The following TMEM120A variants were observed in gnomAD, a reference collection of about 807,000 sequenced individuals.
TMEM120A encodes the protein ion channel TACAN.
TMEM120A carries 45 observed loss-of-function variants against 54.3 expected under a neutral mutation model. The observed-to-expected ratio is 0.83, with a 90% confidence interval of 0.65 to 1.06. The LOEUF is 1.06. Ranked by LOEUF, TMEM120A falls within the 50% of genes least tolerant of loss-of-function variation. The pLI is 0.00. For missense variants in TMEM120A, 424 were observed against 441.7 expected (o/e 0.96, Z 0.36); for synonymous variants, 204 against 178.5 (o/e 1.14, Z -1.14).
intron 3 of TMEM120A, 89 bp from the exon 4 acceptor site, chr7:75,989,313 C>CCACCA (rs1789743245): frequency 2.4e-6 from 2 of 840,676 alleles, no homozygotes; most frequent in Non-Finnish European, 2.0e-6. Context: ...AGAGCCTGGG[C>CCACCA]CACCACCCCA....
chr7:75,989,337 T>G, intron 3 of TMEM120A, 113 bp from the exon 4 acceptor site: 1 of 739,702 alleles, frequency 1.4e-6, no homozygotes, highest in South Asian at 1.5e-5. Context: ...CCTCACCCGC[T>G]GCTTTCCGCA....
chr7:75,988,346 G>T lies in TMEM120A; in HGVS notation c.474-5C>A, dbSNP rs116954540. The T allele has an allele frequency of 1.9e-6, 3 of 1,611,982 alleles. No homozygotes were observed. The South Asian group carries it at 3.3e-5, about 18-fold the overall frequency. On this transcript the variant is annotated splice_polypyrimidine_tract_variant and splice_region_variant and intron_variant, in intron 5 of 11. Coordinates refer to ENST00000493111, the MANE Select transcript of TMEM120A (RefSeq NM_031925.3). ...TTGAAGGCAGCATCTGTCACCCTGCGGAGGGAGGGGACCGAGGGTTGGTAC... is the reference window on the plus strand; with the variant it reads ...TTGAAGGCAGCATCTGTCACCCTGCTGAGGGAGGGGACCGAGGGTTGGTAC...
intron 3 of TMEM120A, among the ~76,000 whole-genome samples, chr7:75,990,898 A>G (rs1348319492): frequency 2.7e-5 from 3 of 111,498 alleles, no homozygotes; most frequent in African/African-American, 1.7e-4. Flanking sequence ...ACTCTGTCTC[A>G]AAAAAAAAAA....
chr7:75,990,480 TC>T (rs1554561628), intron 3 of TMEM120A, among the ~76,000 whole-genome samples: 2 of 152,156 alleles, frequency 1.3e-5, no homozygotes, highest in East Asian at 3.9e-4. Context: ...GCTCGAGTCT[TC>T]CCAGAGGCAA....
rs782135590 is a variant in TMEM120A at position 75,988,063 on chromosome 7, G to C, written c.629+20C>G. ...CCTCCTTGTCCCAGCTCCTGCCCCT[G>C]CCGGGGCCCAGCCACTCACCACGTC... On this transcript the variant is annotated intron_variant, in intron 7 of 11. Transcript: ENST00000493111. 6.2e-7 allele frequency: 1 copy of C among 1,602,416 alleles called. No homozygotes were observed. Among genetic ancestry groups the C allele is most frequent in the South Asian group, 1.1e-5 (1 of 89,526 alleles).
rs1585143147 is a variant in TMEM120A, at chr7:75,989,121, G to C, written c.377+44C>G. 5 of 639,428 alleles carry C rather than the reference G, an allele frequency of 7.8e-6. No homozygotes were observed. The East Asian group carries it at 2.0e-4, about 25-fold the overall frequency. 39.6% of individuals were successfully genotyped at this position (639,428 alleles called of 1,614,324 possible). A position where few individuals can be genotyped will look rare whatever the true frequency, so the allele number is the denominator to read the frequency against. Reference sequence around the variant, plus strand: ...GGGGGGAGGGGGGTAGGGGGCTAGGGGTGGAGGGGTGGAGGTTGGGGGGTG... The same window carrying C: ...GGGGGGAGGGGGGTAGGGGGCTAGGCGTGGAGGGGTGGAGGTTGGGGGGTG... On this transcript the variant is annotated intron_variant, in intron 4 of 11. Coordinates refer to ENST00000493111, the MANE Select transcript of TMEM120A (RefSeq NM_031925.3).
chr7:75,994,527 T>C lies in TMEM120A; in HGVS notation c.44A>G (p.Asp15Gly). 1.3e-6 allele frequency: 2 copies of C among 1,564,966 alleles called. No individual in the cohort carries two copies. The highest frequency in any genetic ancestry group is 1.7e-6 in the Non-Finnish European group (2 of 1,156,206). Residue 15 changes from aspartate to glycine, a missense_variant, in exon 1 of 12, where the codon GAC becomes GGC. By Grantham distance (94) the Asp-to-Gly change is moderately conservative. Transcript: ENST00000493111. The stretch of plus-strand genomic sequence containing the variant: ...GAAGTCCTGCTGTAGATCCTCCCAG[T>C]CCCGCAGGCAGTCGCCCAGCGGGCC... ...PPGPLGDCLR[D>G]WEDLQQDFQN...
chr7:75,989,474 T>C (rs1257244673), intron 3 of TMEM120A, among the ~76,000 whole-genome samples: 4 of 110,786 alleles, frequency 3.6e-5, no homozygotes, highest in Non-Finnish European at 1.8e-5. Flanking sequence ...ATCTCCAGAG[T>C]CTTGTCTGAA....
chr7:75,992,066 A>G (rs967583263), intron 3 of TMEM120A, 78 bp downstream of exon 3: 1 of 1,047,548 alleles, frequency 9.5e-7, no homozygotes, highest in East Asian at 2.4e-5. Context: ...TTTGCTGACT[A>G]TAATGACCAA....
chr7:75,992,214 G>C lies in TMEM120A; in HGVS notation c.247C>G (p.Leu83Val). 6.2e-7 allele frequency: 1 copy of C among 1,612,502 alleles called. No homozygotes were observed. Among genetic ancestry groups the C allele is most frequent in the Non-Finnish European group, 8.5e-7 (1 of 1,179,402 alleles). ...PAEAEGAAQE[L>V]ENQMKERQGL... ...TGGCGCTCTTTCATCTGGTTCTCCA[G>C]CTCCTGTGCGGCCCCCTCGGCCTCT... The change falls in exon 3 of 12, where the codon CTG (leucine) becomes GTG (valine). Residue 83 changes from leucine to valine, a missense_variant. Leu to Val is a conservative substitution (Grantham distance 32). Transcript: ENST00000493111.
chr7:75,992,033 G>A (rs990310371), intron 3 of TMEM120A, 111 bp downstream of exon 3: 2 of 738,982 alleles, frequency 2.7e-6, no homozygotes, highest in Non-Finnish European at 2.3e-6. Context: ...TCATTGCTCA[G>A]CCTGTACTGG....
At position 75,989,184 on chromosome 7, in the gene TMEM120A, G is replaced by A. The variant is rs1789735265; in HGVS notation, c.358C>T (p.Leu120Phe). ...SLVLGNVNVTLLSKQAKFAYK... is the reference protein window; with the variant it reads ...SLVLGNVNVTFLSKQAKFAYK... The stretch of plus-strand genomic sequence containing the variant: ...GATTACTTAGCCTGCTTGCTCAGGA[G>A]CGTGACGTTGACGTTCCCCAGAACC... Residue 120 changes from leucine (L) to phenylalanine (F), a missense_variant, in exon 4 of 12, where the codon CTC becomes TTC. Transcript: ENST00000493111. 1 of 1,560,408 alleles carries A rather than the reference G, an allele frequency of 6.4e-7. No individual in the cohort carries two copies. The highest frequency in any genetic ancestry group is 8.7e-7 in the Non-Finnish European group (1 of 1,153,882).
At chr7:75,993,202 C>G (rs1184369395) in intron 1 of TMEM120A, among the ~76,000 whole-genome samples, 11 of 152,206 alleles carry the variant, frequency 7.2e-5, no homozygotes, top group African/African-American at 2.4e-4. Flanking sequence ...CCAGGGCCAC[C>G]TCCTGGACCA....
In TMEM120A at chr7:75,992,124, G is replaced by T. The variant is rs1473234264; in HGVS notation, c.317+20C>A. 4.5e-6 allele frequency: 7 copies of T among 1,548,202 alleles called. No homozygotes were observed. In the Admixed American group the frequency reaches 1.3e-4, roughly 28 times the overall value. ...GGAGTGGCTGTGAACTGAGCTGGGGGTGGCGGTGGGGGCCCTCACCCATTC... is the reference window on the plus strand; with the variant it reads ...GGAGTGGCTGTGAACTGAGCTGGGGTTGGCGGTGGGGGCCCTCACCCATTC... On this transcript the variant is annotated intron_variant, in intron 3 of 11. Transcript: ENST00000493111.
intron 3 of TMEM120A, among the ~76,000 whole-genome samples, chr7:75,991,785 T>C (rs990426550): frequency 2.0e-5 from 3 of 152,012 alleles, no homozygotes; most frequent in African/African-American, 4.8e-5. Flanking sequence ...GTTCAAGTGA[T>C]CCTCCCACCT....
intron 4 of TMEM120A, 67 bp downstream of exon 4, chr7:75,989,098 G>GT: frequency 2.1e-6 from 1 of 467,570 alleles, no homozygotes; most frequent in Non-Finnish European, 3.8e-6. Context: ...AGGTTGAGGG[G>GT]GGGAGGGGGG....
intron 10 of TMEM120A, 28 bp downstream of exon 10, chr7:75,987,510 C>T (rs529422481): frequency 1.3e-6 from 2 of 1,577,408 alleles, no homozygotes; most frequent in South Asian, 2.3e-5. Context: ...GACAGACAGA[C>T]AGGCAGGGAC....
intron 1 of TMEM120A, 26 bp downstream of exon 1, chr7:75,994,464 G>T: frequency 6.5e-7 from 1 of 1,548,990 alleles, no homozygotes; most frequent in South Asian, 1.2e-5. Context: ...GCTCGGGGGC[G>T]ACCCGGCGTC....
Position 75,987,010 on chromosome 7 carries a change from G to A in TMEM120A, c.*162C>T. ...CACCTCTGGGCCTCTCTTTATTGAG[G>A]GCACTGGGCCCAGGTCTTCCTTCAG... On this transcript the variant is annotated 3_prime_UTR_variant, in exon 12 of 12. Transcript: ENST00000493111. 1 of 649,530 alleles carries A rather than the reference G, an allele frequency of 1.5e-6. No homozygotes were observed. Among genetic ancestry groups the A allele is most frequent in the Non-Finnish European group, 2.7e-6 (1 of 374,690 alleles). 40.2% of individuals were successfully genotyped at this position (649,530 alleles called of 1,614,324 possible). A position where few individuals can be genotyped will look rare whatever the true frequency, so the allele number is the denominator to read the frequency against.
Sources: allele counts gnomAD v4.1 joint callset (sites outside exome capture counted in the v4.1 genomes callset), GRCh38; gene constraint gnomAD v4.1.1; transcripts MANE v1.5; gene names NCBI Gene and HGNC (gene_info 2026-07-23, HGNC 2026-07-21).